The following CBFA2T2 variants were observed in gnomAD, a reference collection of about 807,000 sequenced individuals.
CBFA2T2 encodes the protein CBFA2/RUNX1 partner transcriptional co-repressor 2.
A neutral mutation model predicts 62.2 loss-of-function variants in CBFA2T2; 11 were observed. The ratio of observed to expected loss-of-function variants is 0.18; its 90% CI spans 0.11 to 0.29. The LOEUF is 0.29. CBFA2T2 is among the 10% of genes least tolerant of loss of function. The pLI is 1.00. For missense variants in CBFA2T2, 592 were observed against 774.1 expected, an observed-to-expected ratio of 0.76 and a Z score of 2.79; for synonymous variants, 295 against 287.5, an observed-to-expected ratio of 1.03 and a Z score of -0.27.
chr20:33,618,685 G>A (rs1470815966), intron 3 of CBFA2T2: 1 of 152,202 alleles, frequency 6.6e-6, no homozygotes, highest in East Asian at 1.9e-4. Flanking sequence ...AGATTTGGGG[G>A]AAGTTATGCC....
At chr20:33,613,113 G>C (rs1306468626) in intron 3 of CBFA2T2, among the ~76,000 whole-genome samples, 1 of 152,186 alleles carries the variant, frequency 6.6e-6, no homozygotes, top group Non-Finnish European at 1.5e-5. Flanking sequence ...ATTATGAAAG[G>C]AACAACTTTC....
intron 1 of CBFA2T2, among the ~76,000 whole-genome samples, chr20:33,518,489 A>T (rs887742742): frequency 1.3e-5 from 2 of 152,006 alleles, no homozygotes; most frequent in Admixed American, 1.3e-4. Flanking sequence ...CAGACCAGGC[A>T]CGGTGGCTCA....
intron 1 of CBFA2T2, among the ~76,000 whole-genome samples, chr20:33,599,539 C>T (rs2015032260): frequency 1.3e-5 from 2 of 151,302 alleles, no homozygotes; most frequent in Non-Finnish European, 2.9e-5. Flanking sequence ...TAATTGTGCT[C>T]CATCTTCTAT....
intron 1 of CBFA2T2, among the ~76,000 whole-genome samples, chr20:33,537,271 G>A (rs1424298051): frequency 9.9e-5 from 15 of 152,276 alleles, no homozygotes; most frequent in Non-Finnish European, 1.5e-5. Flanking sequence ...GATCACTCGC[G>A]GTTAGGAGCT....
chr20:33,497,750 A>G (rs1267696229), intron 1 of CBFA2T2, among the ~76,000 whole-genome samples: 1 of 152,040 alleles, frequency 6.6e-6, no homozygotes, highest in Non-Finnish European at 1.5e-5. Flanking sequence ...GGGTTTCACC[A>G]TGTTGGCCAG....
intron 1 of CBFA2T2, among the ~76,000 whole-genome samples, chr20:33,491,720 G>C (rs961120181): frequency 7.3e-6 from 1 of 136,622 alleles, no homozygotes; most frequent in Non-Finnish European, 1.6e-5. Context: ...TTTTTTTTTT[G>C]AGACGGAATC....
intron 1 of CBFA2T2, among the ~76,000 whole-genome samples, chr20:33,545,010 T>TAGGAC (rs2012508580): frequency 8.8e-6 from 1 of 113,944 alleles, no homozygotes. Context: ...TAGAATAGAA[T>TAGGAC]AGAACAGAAC....
intron 1 of CBFA2T2, among the ~76,000 whole-genome samples, chr20:33,523,264 CT>C (rs1315174565): frequency 3.3e-5 from 5 of 152,054 alleles, no homozygotes; most frequent in African/African-American, 1.2e-4. Flanking sequence ...AAATCATAGG[CT>C]TTATTTTTTA....
chr20:33,618,530 A>G (rs1410257836), intron 3 of CBFA2T2: 2 of 152,244 alleles, frequency 1.3e-5, no homozygotes, highest in Non-Finnish European at 2.9e-5. Flanking sequence ...GAGAACAGTG[A>G]TAACTTACCA....
chr20:33,583,947 T>C (rs2014240696), intron 1 of CBFA2T2, among the ~76,000 whole-genome samples: 2 of 152,064 alleles, frequency 1.3e-5, no homozygotes, highest in African/African-American at 4.8e-5. Context: ...TGTTTGTTTG[T>C]TTGTTTATTT....
chr20:33,604,443 G>A (rs749268121), intron 1 of CBFA2T2, among the ~76,000 whole-genome samples: 1 of 152,140 alleles, frequency 6.6e-6, no homozygotes, highest in Non-Finnish European at 1.5e-5. Flanking sequence ...GAATTCACAC[G>A]GAATCTCTCA....
chr20:33,547,688 TG>T (rs1188952924), intron 1 of CBFA2T2, among the ~76,000 whole-genome samples: 3 of 11,866 alleles, frequency 2.5e-4, no homozygotes, highest in Non-Finnish European at 4.1e-4. Context: ...CTCAAAAAAA[TG>T]TGTGTGTGTG....
intron 1 of CBFA2T2, among the ~76,000 whole-genome samples, chr20:33,506,139 G>A (rs749534974): frequency 6.6e-6 from 1 of 151,978 alleles, no homozygotes; most frequent in Non-Finnish European, 1.5e-5. Flanking sequence ...TGGGTATGGT[G>A]GCTCAAGCCT....
At chr20:33,643,793 ATATATATATATATATATATATATAG>A (rs1568876645) in intron 10 of CBFA2T2, among the ~76,000 whole-genome samples, 8 of 27,592 alleles carry the variant, frequency 2.9e-4, no homozygotes, top group Admixed American at 5.4e-4. Context: ...ATATATATAT[ATATATATATATATATATATATATAG>A]TATATAATGT....
chr20:33,619,450 A>C, intron 3 of CBFA2T2, 67 bp from the exon 4 acceptor site: 4 of 744,716 alleles, frequency 5.4e-6, no homozygotes, highest in Non-Finnish European at 8.5e-6. Context: ...AAAAAAAAGA[A>C]GAGTTTGGCA....
intron 1 of CBFA2T2, among the ~76,000 whole-genome samples, chr20:33,521,167 C>A (rs914262049): frequency 2.6e-5 from 4 of 152,070 alleles, no homozygotes; most frequent in African/African-American, 9.7e-5. Flanking sequence ...ATTCTTATTT[C>A]TCATATTCTG....
chr20:33,494,803 G>C (rs936095405), intron 1 of CBFA2T2, among the ~76,000 whole-genome samples: 9 of 147,738 alleles, frequency 6.1e-5, no homozygotes, highest in African/African-American at 2.3e-4. Context: ...TCACCATGTT[G>C]GTCAGGCTGG....
chr20:33,535,877 G>C (rs1427286072), intron 1 of CBFA2T2, among the ~76,000 whole-genome samples: 1 of 151,970 alleles, frequency 6.6e-6, no homozygotes, highest in African/African-American at 2.4e-5. Flanking sequence ...GATTCTTAAC[G>C]AGCATGCTGC....
At chr20:33,520,995 C>CACACAATT (rs1252618525) in intron 1 of CBFA2T2, among the ~76,000 whole-genome samples, 1 of 149,800 alleles carries the variant, frequency 6.7e-6, no homozygotes, top group African/African-American at 2.5e-5. Flanking sequence ...CACACACACA[C>CACACAATT]ACACAATTTT....
Sources: allele counts gnomAD v4.1 joint callset (sites outside exome capture counted in the v4.1 genomes callset), GRCh38; gene constraint gnomAD v4.1.1; transcripts MANE v1.5; gene names NCBI Gene and HGNC (gene_info 2026-07-23, HGNC 2026-07-21).